Variants in NCR1 observed in about 807,000 individuals in gnomAD.
NCR1 encodes the protein natural cytotoxicity triggering receptor 1.
NCR1 carries 30 observed loss-of-function variants against 32.5 expected under a neutral mutation model. The observed-to-expected ratio is 0.92, with a 90% CI of 0.69 to 1.25. NCR1 has a LOEUF of 1.25. NCR1 is among the 50% of genes most tolerant of loss of function. NCR1 has a pLI of 0.00. For synonymous variants in NCR1, 169 were observed against 143.4 expected (o/e 1.18, Z -1.28); for missense variants, 369 against 380.7 (o/e 0.97, Z 0.26).
the NCR1 span, chr19:54,933,813 A>G: frequency 7.9e-7 from 1 of 1,258,792 alleles, no homozygotes; most frequent in African/African-American, 1.5e-5. Context: ...TGATGTCCAC[A>G]TGCTAGGGTA....
the NCR1 span, chr19:54,936,164 G>T: frequency 9.5e-7 from 1 of 1,049,298 alleles, no homozygotes; most frequent in Admixed American, 1.8e-5. Flanking sequence ...CCCTGTCTGG[G>T]ACGGCATCTG....
At chr19:54,900,406 G>A in the NCR1 span, among the ~76,000 whole-genome samples, 6 of 152,142 alleles carry the variant, frequency 3.9e-5, no homozygotes, top group African/African-American at 1.4e-4. Context: ...GCTCAGTAGG[G>A]GAGCTTTTGA....
At chr19:54,903,572 A>ATG (rs2067372065), upstream of NCR1, among the ~76,000 whole-genome samples, 1 of 133,548 alleles carries the variant, frequency 7.5e-6, no homozygotes, top group African/African-American at 2.8e-5. Context: ...ATATATGTGT[A>ATG]TATATACGCA....
chr19:54,916,876 G>T (rs535362393), downstream of NCR1, among the ~76,000 whole-genome samples: 236 of 150,526 alleles, frequency 1.6e-3, 1 homozygote, highest in African/African-American at 5.5e-3. Context: ...GAAGACCCAC[G>T]CTCCCTAAGA....
chr19:54,910,001 TTTATC>T lies in NCR1; in HGVS notation c.635-15_635-11del. ...AACCAAAAACCCTTACTTTTTTTTCTTTATCTCCTTTTCCAGGCGACATTGAGAAC... is the reference window on the plus strand; with the variant it reads ...AACCAAAAACCCTTACTTTTTTTTCTTCCTTTTCCAGGCGACATTGAGAAC... On this transcript the variant is annotated splice_polypyrimidine_tract_variant and intron_variant, in intron 4 of 6. Coordinates refer to ENST00000291890, the MANE Select transcript of NCR1 (RefSeq NM_004829.7). 6.2e-7 allele frequency: 1 copy of T among 1,610,694 alleles called. No homozygotes were observed. The highest frequency in any genetic ancestry group is 1.3e-5 in the African/African-American group (1 of 74,650).
the NCR1 span, among the ~76,000 whole-genome samples, chr19:54,931,484 G>A: frequency 2.0e-5 from 3 of 152,248 alleles, no homozygotes; most frequent in African/African-American, 7.2e-5. Flanking sequence ...GAGGTCGGGA[G>A]TTCAAGACCA....
the NCR1 span, chr19:54,936,536 T>G: frequency 9.6e-7 from 1 of 1,043,502 alleles, no homozygotes; most frequent in Non-Finnish European, 1.5e-6. Flanking sequence ...TATTAGAAGT[T>G]CTTGGCCGGG....
the NCR1 span, among the ~76,000 whole-genome samples, chr19:54,927,408 A>C: frequency 6.6e-6 from 1 of 151,624 alleles, no homozygotes; most frequent in South Asian, 2.1e-4. Flanking sequence ...AAAGAAAAAA[A>C]TTAGCTGGAC....
At chr19:54,931,038 A>G in the NCR1 span, among the ~76,000 whole-genome samples, 1 of 152,094 alleles carries the variant, frequency 6.6e-6, no homozygotes, top group Non-Finnish European at 1.5e-5. Context: ...AACAACAACA[A>G]CAACAAAAAG....
At chr19:54,912,041 C>T in intron 5 of NCR1, 127 bp from the exon 6 acceptor site, 1 of 796,908 alleles carries the variant, frequency 1.3e-6, no homozygotes, top group Non-Finnish European at 2.2e-6. Flanking sequence ...GATGAAGCTC[C>T]TGGGACCCGC....
At chr19:54,899,480 G>A in the NCR1 span, among the ~76,000 whole-genome samples, 1 of 152,062 alleles carries the variant, frequency 6.6e-6, no homozygotes, top group African/African-American at 2.4e-5. Context: ...AAGCGGGAAA[G>A]GGGTCAGGGC....
chr19:54,912,630 AAAAAAAAAG>A, intron 6 of NCR1, 51 bp from the exon 7 acceptor site: 3 of 386,444 alleles, frequency 7.8e-6, no homozygotes, highest in Admixed American at 5.6e-5. Context: ...AAAAAAAAAA[AAAAAAAAAG>A]AGGGTGTCCT....
At position 54,912,258 on chromosome 19, in the gene NCR1, G is replaced by T. The variant is rs1038708493; in HGVS notation, c.733+40G>T. The T allele has an allele frequency of 7.6e-6, 12 of 1,588,180 alleles. No individual in the cohort carries two copies. In the East Asian group the frequency reaches 2.7e-4, roughly 35 times the overall value. On this transcript the variant is annotated intron_variant, in intron 6 of 6. Transcript: ENST00000291890. ...GGGGCCATAGGCTCTGAAGGAAGGG[G>T]CTGGGCATAGAGTAGACCTAGGAAG...
the NCR1 span, among the ~76,000 whole-genome samples, chr19:54,928,750 C>T: frequency 5.3e-5 from 8 of 152,176 alleles, no homozygotes; most frequent in Non-Finnish European, 1.2e-4. Flanking sequence ...ATTTATGGCT[C>T]ATAACTTACA....
chr19:54,905,658 G>A (rs1238551507), upstream of NCR1, among the ~76,000 whole-genome samples: 3 of 152,114 alleles, frequency 2.0e-5, no homozygotes, highest in Non-Finnish European at 4.4e-5. Context: ...GAGAGATAAG[G>A]CTCACTAGCC....
At chr19:54,936,484 T>C in the NCR1 span, 1 of 1,430,568 alleles carries the variant, frequency 7.0e-7, no homozygotes. Context: ...TCACATTGTG[T>C]GGAGGCATGT....
At chr19:54,910,982 A>T (rs1447769528) in intron 5 of NCR1, among the ~76,000 whole-genome samples, 1 of 152,116 alleles carries the variant, frequency 6.6e-6, no homozygotes, top group East Asian at 1.9e-4. Flanking sequence ...AATAATAACT[A>T]TGAGGCCAGG....
chr19:54,929,855 CT>C, the NCR1 span, among the ~76,000 whole-genome samples: 2 of 152,046 alleles, frequency 1.3e-5, no homozygotes, highest in South Asian at 4.1e-4. Context: ...TGGCTCACGC[CT>C]GTAATCCCAG....
chr19:54,920,225 G>A (rs556232094), downstream of NCR1, among the ~76,000 whole-genome samples: 88 of 152,264 alleles, frequency 5.8e-4, 1 homozygote, highest in Non-Finnish European at 2.1e-4. Context: ...GTGAATGGCT[G>A]AGCCAGCCAT....
Sources: gnomAD v4.1 joint callset for allele counts (sites outside exome capture counted in the v4.1 genomes callset) on GRCh38, gnomAD v4.1.1 for gene constraint, MANE v1.5 for transcripts, NCBI Gene and HGNC (gene_info 2026-07-23, HGNC 2026-07-21) for gene names.